Variants in USP5 observed in about 807,000 individuals in gnomAD.
The protein encoded by USP5 is ubiquitin specific peptidase 5, also known as ubiquitin carboxyl-terminal hydrolase 5.
In USP5, 24 loss-of-function variants were observed where a neutral mutation model predicts 102.5. The ratio of observed to expected loss-of-function variants is 0.23; its 90% CI spans 0.17 to 0.33. The LOEUF (loss-of-function observed/expected upper bound fraction) is 0.33, where lower values mean the gene tolerates loss of function less well. USP5 is among the 10% of genes least tolerant of loss of function. USP5 has a pLI of 1.00. For missense variants in USP5, 753 were observed against 1,122.1 expected, an observed-to-expected ratio of 0.67 and a Z score of 4.70; for synonymous variants, 460 against 434.8, an observed-to-expected ratio of 1.06 and a Z score of -0.72.
Position 6,861,081 on chromosome 12 carries a change from G to T in USP5, c.1473G>T (p.Val491=). The T allele has an allele frequency of 6.2e-7, 1 of 1,614,236 alleles. No homozygotes were observed. The highest frequency in any genetic ancestry group is 8.5e-7 in the Non-Finnish European group (1 of 1,180,046). The change falls in exon 12 of 20, where the codon GTG becomes GTT. Residue 491 remains valine, a synonymous_variant. Transcript: ENST00000229268. This position sits in a 1 kb window ranked among gnomAD's most constrained non-coding sequence, Gnocchi z 4.9. ...TTGACTACATCATGCAGCTGCCTGT[G>T]CCCATGGATGCAGCCCTTAACAAAG... is the stretch of plus-strand genomic sequence containing the variant. ...QRVDYIMQLP[V]PMDAALNKEE...
chr12:6,854,213 G>A (rs1041136948), intron 1 of USP5, among the ~76,000 whole-genome samples: 37 of 152,214 alleles, frequency 2.4e-4, no homozygotes, highest in Non-Finnish European at 2.2e-4. Flanking sequence ...TTGTCAGAAC[G>A]GGATGGCTTT....
In USP5 at chr12:6,859,614, TG is replaced by T. The variant is rs373715705; in HGVS notation, c.1130+79del. The T allele has an allele frequency of 1.4e-3, 2,010 of 1,425,580 alleles. 42 individuals carry two copies. The South Asian group carries it at 0.022, about 15-fold the overall frequency. 88.3% of individuals were successfully genotyped at this position (1,425,580 alleles called of 1,614,324 possible). A position where few individuals can be genotyped will look rare whatever the true frequency, so the allele number is the denominator to read the frequency against. On this transcript the variant is annotated intron_variant, in intron 9 of 19. Coordinates refer to ENST00000229268, the MANE Select transcript of USP5 (RefSeq NM_001098536.2). The stretch of plus-strand genomic sequence containing the variant: ...TATACCTTCCTCCTCCCTGACCGCC[TG>T]GGGGGCACAGCACTTTAACCCCTGG...
At position 6,863,499 on chromosome 12, in the gene USP5, TTTGA is replaced by T; in HGVS notation, c.1954+127_1954+130del. 1.6e-6 allele frequency: 2 copies of T among 1,272,140 alleles called. No homozygotes were observed. The highest frequency in any genetic ancestry group is 2.2e-6 in the Non-Finnish European group (2 of 916,230). The allele number at this position is 1,272,140 out of a possible 1,614,324, so 78.8% of individuals were successfully genotyped here. On this transcript the variant is annotated intron_variant, in intron 15 of 19. Coordinates refer to ENST00000229268, the MANE Select transcript of USP5 (RefSeq NM_001098536.2). The surrounding 1 kb of genome is among the most constrained non-coding windows in gnomAD (Gnocchi z 4.7). ...TCCCTTTCAAATTTCCTCTGCCCTC[TTTGA>T]TTGACATGGGGCCTCCCCAGCGCAC...
rs1555129270 is a variant in USP5 at position 6,860,407 on chromosome 12, C to T, written c.1260C>T (p.Leu420=). ...TTGCCCCTCGGATGTTCAAGGCCCT[C>T]ATCGGCAAGGGCCACCCTGAATTCT... ...DGIAPRMFKA[L]IGKGHPEFST... Residue 420 remains leucine (L), a synonymous_variant, in exon 11 of 20, where the codon CTC becomes CTT. Coordinates refer to ENST00000229268, the MANE Select transcript of USP5 (RefSeq NM_001098536.2). This position sits in a 1 kb window ranked among gnomAD's most constrained non-coding sequence, Gnocchi z 5.5. 6.2e-7 allele frequency: 1 copy of T among 1,614,182 alleles called. No homozygotes were observed. The highest frequency in any genetic ancestry group is 1.7e-5 in the Admixed American group (1 of 60,030).
chr12:6,863,528 C>A lies in USP5; in HGVS notation c.1954+151C>A, dbSNP rs529828085. The A allele has an allele frequency of 5.4e-3, 5,573 of 1,028,088 alleles. 21 individuals are homozygous for A. Among genetic ancestry groups the A allele is most frequent in the Non-Finnish European group, 6.7e-3 (4,771 of 713,198 alleles). 63.7% of individuals were successfully genotyped at this position (1,028,088 alleles called of 1,614,324 possible). A position where few individuals can be genotyped will look rare whatever the true frequency, so the allele number is the denominator to read the frequency against. Reference sequence around the variant, plus strand: ...ATTGACATGGGGCCTCCCCAGCGCACTCCTAGCCACCTTCTGGGTGTGGAT... The same window carrying A: ...ATTGACATGGGGCCTCCCCAGCGCAATCCTAGCCACCTTCTGGGTGTGGAT... On this transcript the variant is annotated intron_variant, in intron 15 of 19. Transcript: ENST00000229268. This position sits in a 1 kb window ranked among gnomAD's most constrained non-coding sequence, Gnocchi z 4.7.
At position 6,856,218 on chromosome 12, in the gene USP5, A is replaced by G; in HGVS notation, c.438+68A>G. 5 of 1,607,922 alleles carry G rather than the reference A, an allele frequency of 3.1e-6. No individual in the cohort carries two copies. Among genetic ancestry groups the G allele is most frequent in the Non-Finnish European group, 4.3e-6 (5 of 1,175,744 alleles). Reference sequence around the variant, plus strand: ...GGGCCAGGGTAGTGGTGTCTTAGGCAAGCACTGACAAAGCTGAAGGCCAAG... The same window carrying G: ...GGGCCAGGGTAGTGGTGTCTTAGGCGAGCACTGACAAAGCTGAAGGCCAAG... On this transcript the variant is annotated intron_variant, in intron 4 of 19. Coordinates refer to ENST00000229268, the MANE Select transcript of USP5 (RefSeq NM_001098536.2). The surrounding 1 kb of genome is among the most constrained non-coding windows in gnomAD (Gnocchi z 5.6).
In USP5 at chr12:6,858,617, A is replaced by T; in HGVS notation, c.1058A>T (p.Lys353Met). 1 of 1,601,032 alleles carries T rather than the reference A, an allele frequency of 6.2e-7. No homozygotes were observed. The part of the protein sequence containing the change: ...VLFSIPDFQR[K>M]YVDKLEKIFQ... ...TTCAGCATCCCTGACTTCCAGAGGA[A>T]GTGAGTAGTGCCCTCTCCTTCCCCA... is the stretch of plus-strand genomic sequence containing the variant. The change falls in exon 8 of 20, where the codon AAG becomes ATG. Residue 353 changes from lysine (K) to methionine (M), a missense_variant and splice_region_variant. Coordinates refer to ENST00000229268, the MANE Select transcript of USP5 (RefSeq NM_001098536.2). This position sits in a 1 kb window ranked among gnomAD's most constrained non-coding sequence, Gnocchi z 4.2.
intron 1 of USP5, among the ~76,000 whole-genome samples, chr12:6,853,757 C>T (rs1260847003): frequency 2.0e-5 from 3 of 152,222 alleles, no homozygotes; most frequent in African/African-American, 7.2e-5. Flanking sequence ...CAACTTCCAG[C>T]ATATTTGGTT....
chr12:6,854,450 T>C (rs1944049168), intron 1 of USP5, among the ~76,000 whole-genome samples: 1 of 152,126 alleles, frequency 6.6e-6, no homozygotes, highest in Non-Finnish European at 1.5e-5. Flanking sequence ...CCTGGTAGAA[T>C]GTGGTAAAAG....
Position 6,852,249 on chromosome 12 carries a change from C to T in USP5, c.70C>T (p.Arg24Trp). Residue 24 changes from arginine to tryptophan, a missense_variant, in exon 1 of 20, where the codon CGG (arginine) becomes TGG (tryptophan). Physicochemically the swap from Arg to Trp is moderately radical, Grantham distance 101. This residue lies in a region of USP5 where 527 missense variants were observed against 816.5 expected (regional missense o/e 0.65). Coordinates refer to ENST00000229268, the MANE Select transcript of USP5 (RefSeq NM_001098536.2). ...PTIRVPKAGD[R>W]VHKDECAFSF... Reference sequence around the variant, plus strand: ...GATCCGGGTCCCTAAGGCTGGAGACCGGGTCCACAAAGACGAGTGCGCCTT... The same window carrying T: ...GATCCGGGTCCCTAAGGCTGGAGACTGGGTCCACAAAGACGAGTGCGCCTT... 6.2e-7 allele frequency: 1 copy of T among 1,613,016 alleles called. No homozygotes were observed. The highest frequency in any genetic ancestry group is 8.5e-7 in the Non-Finnish European group (1 of 1,179,654).
chr12:6,860,603 A>G lies in USP5; in HGVS notation c.1344+112A>G. ...CCCAGTCCCATCCCTGAACCCCAAC[A>G]GTCTGTGTCCCTGTGAACAGTGCTT... On this transcript the variant is annotated intron_variant, in intron 11 of 19. Transcript: ENST00000229268. This position sits in a 1 kb window ranked among gnomAD's most constrained non-coding sequence, Gnocchi z 5.5. 6.5e-7 allele frequency: 1 copy of G among 1,534,412 alleles called. No individual in the cohort carries two copies. Among genetic ancestry groups the G allele is most frequent in the Non-Finnish European group, 8.8e-7 (1 of 1,134,540 alleles).
intron 1 of USP5, among the ~76,000 whole-genome samples, chr12:6,854,979 T>C (rs1944064736): frequency 6.6e-6 from 1 of 152,128 alleles, no homozygotes; most frequent in South Asian, 2.1e-4. Context: ...TCCCTTTGAA[T>C]GTAATCTCCA....
Position 6,864,319 on chromosome 12 carries a change from CTTT to C in USP5, c.2244+126_2244+128del. On this transcript the variant is annotated intron_variant, in intron 17 of 19. Coordinates refer to ENST00000229268, the MANE Select transcript of USP5 (RefSeq NM_001098536.2). This position sits in a 1 kb window ranked among gnomAD's most constrained non-coding sequence, Gnocchi z 4.8. ...GGTCTGGCCGAGGTTGGGCACCACT[CTTT>C]TGTGGCTGCGATGAAGGAGCTGAAG... 1 of 1,350,510 alleles carries C rather than the reference CTTT, an allele frequency of 7.4e-7. No individual in the cohort carries two copies. 83.7% of individuals were successfully genotyped at this position (1,350,510 alleles called of 1,614,324 possible). A position where few individuals can be genotyped will look rare whatever the true frequency, so the allele number is the denominator to read the frequency against.
rs1165299925 is a variant in USP5 at position 6,864,065 on chromosome 12, T to G, written c.2114T>G (p.Leu705Arg). The G allele has an allele frequency of 6.2e-7, 1 of 1,609,874 alleles. No homozygotes were observed. The highest frequency in any genetic ancestry group is 2.2e-5 in the East Asian group (1 of 44,808). The change falls in exon 17 of 20, where the codon CTC becomes CGC. Residue 705 changes from leucine to arginine, a missense_variant. Leu to Arg is a moderately radical substitution (Grantham distance 102). This residue lies in a region of USP5 where 193 missense variants were observed against 230.2 expected (regional missense o/e 0.84). Transcript: ENST00000229268. This position sits in a 1 kb window ranked among gnomAD's most constrained non-coding sequence, Gnocchi z 4.8. ...ACATCCACAGATTTTGCAAACCCCCTCATCCTGCCTGGCTCTAGTGGGCCG... is the reference window on the plus strand; with the variant it reads ...ACATCCACAGATTTTGCAAACCCCCGCATCCTGCCTGGCTCTAGTGGGCCG... ...HMDDPDFANP[L>R]ILPGSSGPGS...
In USP5 at chr12:6,855,921, A is replaced by G. The variant is rs1944096801; in HGVS notation, c.305-96A>G. 1.9e-6 allele frequency: 3 copies of G among 1,605,644 alleles called. No homozygotes were observed. Among genetic ancestry groups the G allele is most frequent in the East Asian group, 4.5e-5 (2 of 44,774 alleles). On this transcript the variant is annotated intron_variant, in intron 3 of 19. Transcript: ENST00000229268. The surrounding 1 kb of genome is among the most constrained non-coding windows in gnomAD (Gnocchi z 4.6). ...AAGAGTGGGCCTGATTGATGGCCCTAGAACTCTGGATGGGGCAAGTGAGGT... is the reference window on the plus strand; with the variant it reads ...AAGAGTGGGCCTGATTGATGGCCCTGGAACTCTGGATGGGGCAAGTGAGGT...
At chr12:6,857,584 G>A (rs1555128594) in intron 6 of USP5, 45 bp from the exon 7 acceptor site, 5 of 1,565,664 alleles carry the variant, frequency 3.2e-6, no homozygotes, top group Middle Eastern at 2.1e-4. Flanking sequence ...GGCCTGGCTA[G>A]TCCTGAGCCA....
In USP5 at chr12:6,863,961, A is replaced by G; in HGVS notation, c.2086A>G (p.Met696Val). 6.4e-7 allele frequency: 1 copy of G among 1,550,608 alleles called. No individual in the cohort carries two copies. Among genetic ancestry groups the G allele is most frequent in the Non-Finnish European group, 8.8e-7 (1 of 1,139,948 alleles). ...EAAMNWVMSH[M>V]DDPDFANPLI... ...CGCCATGAACTGGGTCATGTCACAC[A>G]TGGATGATCCAGGTAGGCTGGGGTG... The change falls in exon 16 of 20, where the codon ATG becomes GTG. Residue 696 changes from methionine to valine, a missense_variant. Physicochemically the swap from Met to Val is conservative, Grantham distance 21 (BLOSUM62 1). Coordinates refer to ENST00000229268, the MANE Select transcript of USP5 (RefSeq NM_001098536.2). The surrounding 1 kb of genome is among the most constrained non-coding windows in gnomAD (Gnocchi z 4.7).
In USP5 at chr12:6,864,017, C is replaced by A. The variant is rs1944353774; in HGVS notation, c.2099-33C>A. On this transcript the variant is annotated intron_variant, in intron 16 of 19. Transcript: ENST00000229268. This position sits in a 1 kb window ranked among gnomAD's most constrained non-coding sequence, Gnocchi z 4.8. ...CAGGGTGGGGCAGGGCCTCCATCCT[C>A]CCCCAAACACATCAACCCCTTCACA... The A allele has an allele frequency of 6.3e-7, 1 of 1,584,158 alleles. No homozygotes were observed. Among genetic ancestry groups the A allele is most frequent in the Non-Finnish European group, 8.6e-7 (1 of 1,160,620 alleles).
chr12:6,861,548 C>T lies in USP5; in HGVS notation c.1604C>T (p.Ala535Val). The T allele has an allele frequency of 1.2e-6, 2 of 1,601,106 alleles. No homozygotes were observed. Among genetic ancestry groups the T allele is most frequent in the Non-Finnish European group, 1.7e-6 (2 of 1,169,710 alleles). ...AQVPFSSCLE[A>V]YGAPEQVDDF... ...GTGCCCTTCAGCTCTTGCCTGGAGG[C>T]CTACGGGGCCCCTGAGCAGGTCGAT... Residue 535 changes from alanine to valine, a missense_variant, in exon 13 of 20, where the codon GCC (alanine) becomes GTC (valine). This residue lies in a region of USP5 where 527 missense variants were observed against 816.5 expected (regional missense o/e 0.65). Coordinates refer to ENST00000229268, the MANE Select transcript of USP5 (RefSeq NM_001098536.2). The surrounding 1 kb of genome is among the most constrained non-coding windows in gnomAD (Gnocchi z 4.9).
Sources: gnomAD v4.1 joint callset for allele counts (sites outside exome capture counted in the v4.1 genomes callset) on GRCh38, gnomAD v4.1.1 for gene constraint, gnomAD v4.1.1 regional missense constraint, Gnocchi (gnomAD v3.1) non-coding constraint, MANE v1.5 for transcripts, NCBI Gene and HGNC (gene_info 2026-07-23, HGNC 2026-07-21) for gene names.